The following MACROD2 variants were observed in gnomAD, a reference collection of about 807,000 sequenced individuals.
MACROD2 encodes mono-ADP ribosylhydrolase 2, also known as ADP-ribose glycohydrolase MACROD2.
A neutral mutation model predicts 70.4 loss-of-function variants in MACROD2; 36 were observed. The ratio of observed to expected loss-of-function variants is 0.51; its 90% CI spans 0.39 to 0.68. The LOEUF is 0.68. MACROD2 is among the 30% of genes least tolerant of loss of function. The probability of loss-of-function intolerance (pLI) is 0.00; values close to 1 mark genes in which losing one functional copy is unlikely to be tolerated. For synonymous variants in MACROD2, 172 were observed against 178.8 expected, an observed-to-expected ratio of 0.96 and a Z score of 0.30; for missense variants, 496 against 538.4, an observed-to-expected ratio of 0.92 and a Z score of 0.78.
chr20:15,993,482 A>G (rs1425780449), intron 15 of MACROD2, among the ~76,000 whole-genome samples: 3 of 152,200 alleles, frequency 2.0e-5, no homozygotes, highest in Non-Finnish European at 4.4e-5. Context: ...TAAGAGCAAT[A>G]GACTACACCA....
chr20:15,301,061 A>C (rs1026574447), intron 6 of MACROD2, among the ~76,000 whole-genome samples: 1 of 152,192 alleles, frequency 6.6e-6, no homozygotes, highest in Non-Finnish European at 1.5e-5. Flanking sequence ...GTTCTGCTTA[A>C]GAACAACTTC....
At chr20:14,319,935 C>T (rs2082644278) in intron 3 of MACROD2, among the ~76,000 whole-genome samples, 1 of 152,082 alleles carries the variant, frequency 6.6e-6, no homozygotes. Flanking sequence ...ATGTGGTTTC[C>T]CTTCCTGATG....
chr20:15,813,669 C>A (rs1428561104), intron 8 of MACROD2, among the ~76,000 whole-genome samples: 1 of 152,050 alleles, frequency 6.6e-6, no homozygotes, highest in Non-Finnish European at 1.5e-5. Flanking sequence ...ATCCCAGCTA[C>A]CCAGGAGGCT....
At chr20:14,311,296 A>T (rs2082564757) in intron 3 of MACROD2, among the ~76,000 whole-genome samples, 1 of 152,178 alleles carries the variant, frequency 6.6e-6, no homozygotes, top group African/African-American at 2.4e-5. Flanking sequence ...AGACACACAA[A>T]TACCACTGTG....
chr20:16,010,671 C>T (rs1026855943), intron 15 of MACROD2, among the ~76,000 whole-genome samples: 1 of 152,132 alleles, frequency 6.6e-6, no homozygotes, highest in African/African-American at 2.4e-5. Flanking sequence ...TTCTGGCTTC[C>T]AGTCTTTGGG....
chr20:14,064,316 A>T (rs1273447102), intron 2 of MACROD2, among the ~76,000 whole-genome samples: 1 of 152,148 alleles, frequency 6.6e-6, no homozygotes, highest in East Asian at 1.9e-4. Flanking sequence ...CCACTACCAC[A>T]TGATGGTGTC....
chr20:14,661,643 G>C (rs544544207), intron 4 of MACROD2, among the ~76,000 whole-genome samples: 2 of 151,878 alleles, frequency 1.3e-5, no homozygotes, highest in East Asian at 1.9e-4. Context: ...GGTCTAGAAG[G>C]GTTTTTCCTA....
At chr20:14,342,673 G>A (rs2083025980) in intron 3 of MACROD2, among the ~76,000 whole-genome samples, 2 of 152,128 alleles carry the variant, frequency 1.3e-5, no homozygotes, top group South Asian at 2.1e-4. Context: ...TTAGAATGCC[G>A]AAAGGTTTTG....
chr20:15,351,081 A>C (rs1364643137), intron 6 of MACROD2, among the ~76,000 whole-genome samples: 3 of 146,948 alleles, frequency 2.0e-5, no homozygotes, highest in Non-Finnish European at 4.5e-5. Flanking sequence ...CTGATGTCTA[A>C]GCAAGGACTG....
chr20:14,709,655 A>G (rs2071314300), intron 5 of MACROD2, among the ~76,000 whole-genome samples: 1 of 152,244 alleles, frequency 6.6e-6, no homozygotes, highest in Non-Finnish European at 1.5e-5. Context: ...ATACTAAACT[A>G]GCCATAAAAC....
chr20:14,328,944 A>G (rs1057382471), intron 3 of MACROD2: 1 of 151,952 alleles, frequency 6.6e-6, no homozygotes, highest in Non-Finnish European at 1.5e-5. Context: ...CCCTCTTTGA[A>G]ATTCTTATTG....
intron 3 of MACROD2, among the ~76,000 whole-genome samples, chr20:14,396,482 C>A (rs1185430493): frequency 6.6e-6 from 1 of 152,102 alleles, no homozygotes; most frequent in Non-Finnish European, 1.5e-5. Context: ...TTGGTAATAT[C>A]ATTTTCTCTG....
chr20:15,712,568 A>G (rs539833591), intron 8 of MACROD2, among the ~76,000 whole-genome samples: 2 of 152,318 alleles, frequency 1.3e-5, no homozygotes, highest in African/African-American at 4.8e-5. Context: ...AAAAAAAATA[A>G]AAGACCTGGA....
chr20:16,010,223 C>T (rs938778582), intron 15 of MACROD2, among the ~76,000 whole-genome samples: 5 of 152,066 alleles, frequency 3.3e-5, no homozygotes, highest in African/African-American at 4.8e-5. Context: ...TGGCGCATGT[C>T]CTGGTGCATG....
At chr20:15,545,961 G>T (rs1458654226) in intron 8 of MACROD2, among the ~76,000 whole-genome samples, 1 of 152,148 alleles carries the variant, frequency 6.6e-6, no homozygotes, top group Non-Finnish European at 1.5e-5. Flanking sequence ...ATTCCAAATG[G>T]AAAGAAGAGA....
At chr20:14,655,577 T>A (rs1985931007) in intron 4 of MACROD2, among the ~76,000 whole-genome samples, 1 of 152,192 alleles carries the variant, frequency 6.6e-6, no homozygotes, top group South Asian at 2.1e-4. Flanking sequence ...TGCTAAGCTA[T>A]AAGAGGAATT....
At chr20:14,279,636 A>C (rs916857585) in intron 3 of MACROD2, among the ~76,000 whole-genome samples, 16 of 152,272 alleles carry the variant, frequency 1.1e-4, no homozygotes, top group African/African-American at 2.9e-4. Context: ...AGTTGATAAG[A>C]GACAGGGGCA....
At position 15,154,785 on chromosome 20, in the gene MACROD2, G is replaced by T. The variant is rs541159582; in HGVS notation, c.419-75155G>T. On this transcript the variant is annotated intron_variant, in intron 5 of 17. Transcript: ENST00000684519. ...CCTCCTAATATCACATTGGGGCTTAGGATTGCAGCACATGAATTTTGGGGG... is the reference window on the plus strand; with the variant it reads ...CCTCCTAATATCACATTGGGGCTTATGATTGCAGCACATGAATTTTGGGGG... Among the ~76,000 whole-genome samples the T allele has an allele frequency of 2.0e-5, 3 of 152,294 alleles. No individual in the cohort carries two copies. The South Asian group carries it at 6.2e-4, about 32-fold the overall frequency.
chr20:15,294,461 C>T (rs2077568916), intron 6 of MACROD2, among the ~76,000 whole-genome samples: 1 of 152,138 alleles, frequency 6.6e-6, no homozygotes, highest in African/African-American at 2.4e-5. Flanking sequence ...TTTACTCAAC[C>T]CAAGATAGCA....
Sources: allele counts gnomAD v4.1 joint callset (sites outside exome capture counted in the v4.1 genomes callset), GRCh38; gene constraint gnomAD v4.1.1; transcripts MANE v1.5; gene names NCBI Gene and HGNC (gene_info 2026-07-23, HGNC 2026-07-21).